Variants in KIF15 observed in about 807,000 individuals in gnomAD.
KIF15 encodes kinesin family member 15.
KIF15 carries 140 observed loss-of-function variants against 190.6 expected under a neutral mutation model. That is an observed-to-expected ratio of 0.73 (90% CI 0.64 to 0.84). KIF15 has a LOEUF of 0.84. Among genes scored for constraint, KIF15 ranks in the 40% least tolerant of loss-of-function variants. KIF15 has a pLI of 0.00. For synonymous variants in KIF15, 528 were observed against 551.3 expected (o/e 0.96, Z 0.59); for missense variants, 1,372 against 1,584.4 (o/e 0.87, Z 2.28).
At chr3:44,790,783 C>T (rs1327464076) in intron 7 of KIF15, among the ~76,000 whole-genome samples, 2 of 150,220 alleles carry the variant, frequency 1.3e-5, no homozygotes, top group Non-Finnish European at 3.0e-5. Context: ...ACCTCTGCCT[C>T]CCAGGTTCAA....
Position 44,778,200 on chromosome 3 carries a change from T to C in KIF15, c.323+9T>C. 1 of 1,603,532 alleles carries C rather than the reference T, an allele frequency of 6.2e-7. No homozygotes were observed. Among genetic ancestry groups the C allele is most frequent in the Non-Finnish European group, 8.5e-7 (1 of 1,170,240 alleles). On this transcript the variant is annotated intron_variant, in intron 4 of 34. Coordinates refer to ENST00000326047, the MANE Select transcript of KIF15 (RefSeq NM_020242.3). ...GGTACCATCTTTGCATAGTAAGTTGTTGACTGTGTCCTTATACATAGTACA... is the reference window on the plus strand; with the variant it reads ...GGTACCATCTTTGCATAGTAAGTTGCTGACTGTGTCCTTATACATAGTACA...
At chr3:44,866,081 T>G (rs1353787246) in intron 6 of KIF15, among the ~76,000 whole-genome samples, 3 of 45,858 alleles carry the variant, frequency 6.5e-5, no homozygotes. Flanking sequence ...TTTTTTTGGG[T>G]TTTTTTTTTT....
chr3:44,845,746 A>G (rs1377857493), intron 30 of KIF15, among the ~76,000 whole-genome samples: 3 of 152,164 alleles, frequency 2.0e-5, no homozygotes, highest in African/African-American at 7.2e-5. Context: ...CACATGCCCC[A>G]CTTCTGCACT....
At chr3:44,804,206 A>G (rs1236169918) in intron 14 of KIF15, among the ~76,000 whole-genome samples, 1 of 152,082 alleles carries the variant, frequency 6.6e-6, no homozygotes, top group Non-Finnish European at 1.5e-5. Flanking sequence ...TTTGTTGGCC[A>G]TTTTGTTGTG....
chr3:44,800,518 C>G, intron 11 of KIF15, 81 bp downstream of exon 11: 2 of 1,498,730 alleles, frequency 1.3e-6, no homozygotes, highest in Admixed American at 4.5e-5. Flanking sequence ...AGACACAACA[C>G]AATAAGGCAA....
intron 7 of KIF15, among the ~76,000 whole-genome samples, chr3:44,793,215 C>T (rs55901755): frequency 0.44 from 66,653 of 152,002 alleles, 15,927 homozygotes; most frequent in East Asian, 0.82. Flanking sequence ...CCCCAGACCT[C>T]GCCTAGTAAA....
intron 16 of KIF15, among the ~76,000 whole-genome samples, chr3:44,807,801 T>G (rs1224363097): frequency 6.6e-6 from 1 of 152,190 alleles, no homozygotes; most frequent in Non-Finnish European, 1.5e-5. Flanking sequence ...TGATTTTTTA[T>G]TTGTTTTGGC....
chr3:44,857,916 A>C (rs1456277095), downstream of KIF15, among the ~76,000 whole-genome samples: 3 of 152,236 alleles, frequency 2.0e-5, no homozygotes, highest in Non-Finnish European at 4.4e-5. Context: ...TGTCCTGTTG[A>C]GAAGATTCAA....
intron 5 of KIF15, among the ~76,000 whole-genome samples, chr3:44,781,583 T>G (rs779101855): frequency 3.3e-5 from 5 of 152,230 alleles, no homozygotes; most frequent in Non-Finnish European, 7.3e-5. Context: ...GGAGAATTGC[T>G]GGATCATAGG....
intron 26 of KIF15, among the ~76,000 whole-genome samples, chr3:44,837,147 A>C (rs1007513813): frequency 6.6e-6 from 1 of 152,184 alleles, no homozygotes; most frequent in Non-Finnish European, 1.5e-5. Context: ...GTTCTAGGGG[A>C]CAGTTGGGCC....
chr3:44,799,336 G>A (rs1015804941), intron 10 of KIF15: 1 of 456,634 alleles, frequency 2.2e-6, no homozygotes, highest in Non-Finnish European at 4.4e-6. Flanking sequence ...AGAGTATCTG[G>A]GACTTGTTTA....
intron 16 of KIF15, among the ~76,000 whole-genome samples, chr3:44,806,848 C>T (rs530520813): frequency 1.3e-5 from 2 of 152,142 alleles, no homozygotes; most frequent in East Asian, 1.9e-4. Context: ...CAGGTTCAAG[C>T]GATTCTCCTG....
intron 6 of KIF15, among the ~76,000 whole-genome samples, chr3:44,858,496 G>A (rs1248941594): frequency 6.6e-6 from 1 of 152,134 alleles, no homozygotes; most frequent in Non-Finnish European, 1.5e-5. Flanking sequence ...GCCAGGGAGG[G>A]AGTGGAGGTG....
At chr3:44,823,826 G>A (rs6764858) in intron 20 of KIF15, among the ~76,000 whole-genome samples, 1,809 of 152,298 alleles carry the variant, frequency 0.012, 34 homozygotes, top group African/African-American at 0.04. Context: ...AGCTAGGTGC[G>A]GGATATAATC....
chr3:44,860,766 C>A (rs1033301328), intron 6 of KIF15, among the ~76,000 whole-genome samples: 1 of 152,104 alleles, frequency 6.6e-6, no homozygotes, highest in Admixed American at 6.5e-5. Context: ...ACAGAAGATA[C>A]AAAAAGAATG....
chr3:44,831,073 G>T, intron 26 of KIF15, 55 bp downstream of exon 26: 1 of 1,549,882 alleles, frequency 6.5e-7, no homozygotes, highest in African/African-American at 1.4e-5. Flanking sequence ...GTCAATATGT[G>T]TATTTGTGTG....
chr3:44,787,182 C>T (rs549743771), intron 7 of KIF15, among the ~76,000 whole-genome samples: 3 of 152,216 alleles, frequency 2.0e-5, no homozygotes, highest in African/African-American at 7.2e-5. Flanking sequence ...CAGTACTATC[C>T]GATTTACTGG....
intron 27 of KIF15, among the ~76,000 whole-genome samples, chr3:44,839,305 G>A (rs566444676): frequency 1.1e-3 from 167 of 151,970 alleles, no homozygotes; most frequent in African/African-American, 3.6e-3. Flanking sequence ...CCCGGGAGGC[G>A]GAGCTTGCAG....
intron 6 of KIF15, chr3:44,864,255 T>G: frequency 6.2e-7 from 1 of 1,614,250 alleles, no homozygotes; most frequent in Non-Finnish European, 8.5e-7. Flanking sequence ...AATTCTCTGA[T>G]GTGGACCTTC....
Sources: gnomAD v4.1 joint callset for allele counts (sites outside exome capture counted in the v4.1 genomes callset) on GRCh38, gnomAD v4.1.1 for gene constraint, MANE v1.5 for transcripts, NCBI Gene and HGNC (gene_info 2026-07-23, HGNC 2026-07-21) for gene names.